Variants in CHN2 observed in about 807,000 individuals in gnomAD.
The protein encoded by CHN2 is beta-chimaerin.
CHN2 carries 35 observed loss-of-function variants against 56.3 expected under a neutral mutation model. That is an observed-to-expected ratio of 0.62 (90% CI 0.47 to 0.82). CHN2 has a LOEUF of 0.82. Among genes scored for constraint, CHN2 ranks in the 40% least tolerant of loss-of-function variants. The pLI is 0.00. For synonymous variants in CHN2, 210 were observed against 212.8 expected (o/e 0.99, Z 0.12); for missense variants, 491 against 580.5 (o/e 0.85, Z 1.58).
At chr7:29,212,754 G>A (rs1310953010) in intron 1 of CHN2, 5 of 1,610,170 alleles carry the variant, frequency 3.1e-6, no homozygotes, top group Admixed American at 3.3e-5. Flanking sequence ...AAATCTAAGA[G>A]GTGGCAGAAA....
intron 6 of CHN2, among the ~76,000 whole-genome samples, chr7:29,417,889 T>C (rs1198768377): frequency 6.6e-6 from 1 of 152,168 alleles, no homozygotes; most frequent in Admixed American, 6.5e-5. Context: ...GAGCATGTGC[T>C]TCAGAGCTTC....
chr7:29,151,065 C>T (rs1246730297), intron 2 of CHN2, among the ~76,000 whole-genome samples: 1 of 152,130 alleles, frequency 6.6e-6, no homozygotes, highest in Non-Finnish European at 1.5e-5. Flanking sequence ...GTGGCGGTAA[C>T]CAAGCTCTAA....
intron 1 of CHN2, among the ~76,000 whole-genome samples, chr7:29,251,215 G>C (rs1269463003): frequency 6.6e-6 from 1 of 152,100 alleles, no homozygotes; most frequent in African/African-American, 2.4e-5. Context: ...CCCTTTGAGG[G>C]GCCAAGGCTG....
At chr7:29,147,754 C>T (rs1053693607) in intron 2 of CHN2, among the ~76,000 whole-genome samples, 3 of 152,002 alleles carry the variant, frequency 2.0e-5, no homozygotes, top group African/African-American at 4.8e-5. Context: ...TATGCAGGAC[C>T]CAGGGCAAAA....
chr7:29,178,617 G>C (rs1400496005), intron 2 of CHN2, among the ~76,000 whole-genome samples: 1 of 152,086 alleles, frequency 6.6e-6, no homozygotes, highest in African/African-American at 2.4e-5. Flanking sequence ...AAAAAAAGCA[G>C]TTCATTGTCT....
Position 29,350,238 on chromosome 7 carries a change from A to G in CHN2, c.50-4387A>G, listed in dbSNP as rs1797779578. ...AAACCACTTAATCATTCTGCATTTCATTTTCCTCATTTGCCAAATGACAAA... is the reference window on the plus strand; with the variant it reads ...AAACCACTTAATCATTCTGCATTTCGTTTTCCTCATTTGCCAAATGACAAA... On this transcript the variant is annotated intron_variant, in intron 1 of 12. Transcript: ENST00000222792. Among the ~76,000 whole-genome samples the G allele has an allele frequency of 2.0e-5, 3 of 152,036 alleles. No individual in the cohort carries two copies. The South Asian group carries it at 6.2e-4, about 32-fold the overall frequency.
chr7:29,421,534 A>C (rs1241998948), intron 6 of CHN2, among the ~76,000 whole-genome samples: 1 of 152,238 alleles, frequency 6.6e-6, no homozygotes, highest in Non-Finnish European at 1.5e-5. Flanking sequence ...GACTATTGGG[A>C]CAACCAAAGC....
intron 3 of CHN2, chr7:29,380,652 A>G (rs1035909883): frequency 6.6e-6 from 1 of 152,210 alleles, no homozygotes; most frequent in Non-Finnish European, 1.5e-5. Context: ...CCCAAATACC[A>G]TTAAGCTTTG....
chr7:29,391,648 A>G (rs1290632658), intron 3 of CHN2, among the ~76,000 whole-genome samples: 1 of 152,124 alleles, frequency 6.6e-6, no homozygotes, highest in South Asian at 2.1e-4. Context: ...GCATCTTTCA[A>G]GGCACCCTAA....
At chr7:29,279,914 G>C (rs1011661101) in intron 1 of CHN2, among the ~76,000 whole-genome samples, 5 of 152,156 alleles carry the variant, frequency 3.3e-5, no homozygotes, top group African/African-American at 4.8e-5. Flanking sequence ...GAATTAGGGT[G>C]GTGGGTAAGA....
rs4719967 is a variant in CHN2 at position 29,176,915 on chromosome 7, A to T, written c.274+29955A>T. Among the ~76,000 whole-genome samples the T allele has an allele frequency of 2.2e-3, 338 of 152,326 alleles. 7 individuals carry two copies. Among genetic ancestry groups the T allele is most frequent in the Admixed American group, 0.02 (312 of 15,300 alleles). ...AGGCTTCGTTAGCTTATATGTTAAA[A>T]TGCCTAGGTTAACTTCTAAATGAAT... On this transcript the variant is annotated intron_variant, in intron 2 of 6. Transcript: ENST00000439384.
intron 2 of CHN2, among the ~76,000 whole-genome samples, chr7:29,355,670 G>A (rs1470729416): frequency 1.3e-5 from 2 of 151,282 alleles, no homozygotes; most frequent in East Asian, 1.9e-4. Flanking sequence ...TCCTAACGAA[G>A]CTGCCAGGGT....
chr7:29,301,352 C>CACACAA, intron 1 of CHN2, among the ~76,000 whole-genome samples: 1 of 128,700 alleles, frequency 7.8e-6, no homozygotes, highest in Non-Finnish European at 1.7e-5. Flanking sequence ...TACACACACA[C>CACACAA]ACACACACAC....
intron 6 of CHN2, among the ~76,000 whole-genome samples, chr7:29,433,276 G>T (rs1782978997): frequency 1.3e-5 from 2 of 152,198 alleles, no homozygotes. Context: ...ACCCAAAAAG[G>T]ACCTTTGGGG....
chr7:29,332,512 G>A (rs574161886), intron 1 of CHN2, among the ~76,000 whole-genome samples: 1 of 152,250 alleles, frequency 6.6e-6, no homozygotes, highest in East Asian at 1.9e-4. Context: ...TGGTGATACG[G>A]CCTAAAATGC....
intron 2 of CHN2, among the ~76,000 whole-genome samples, chr7:29,179,425 G>A (rs909194973): frequency 3.3e-5 from 5 of 152,182 alleles, no homozygotes; most frequent in Non-Finnish European, 5.9e-5. Context: ...CAGAAACTCA[G>A]GCTGAAGTTT....
In CHN2 at chr7:29,293,857, A is replaced by ATTTTTTTTT. The variant is rs70980522; in HGVS notation, c.50-60749_50-60741dup. On this transcript the variant is annotated intron_variant, in intron 1 of 12. Transcript: ENST00000222792. ...GCATATAAGCTCCACGAGGCTGGGAATTTTTTTTTTTTTTTTTTTTTTTTT... is the reference window on the plus strand; with the variant it reads ...GCATATAAGCTCCACGAGGCTGGGAATTTTTTTTTTTTTTTTTTTTTTTTTTTTTTTTTT... Among the ~76,000 whole-genome samples the ATTTTTTTTT allele has an allele frequency of 4.3e-4, 34 of 78,520 alleles. 2 individuals are homozygous for ATTTTTTTTT. Among genetic ancestry groups the ATTTTTTTTT allele is most frequent in the African/African-American group, 1.6e-3 (31 of 19,902 alleles). 51.5% of individuals were successfully genotyped at this position (78,520 alleles called of 152,430 possible).
At chr7:29,366,174 G>A (rs1195269940) in intron 2 of CHN2, among the ~76,000 whole-genome samples, 1 of 152,176 alleles carries the variant, frequency 6.6e-6, no homozygotes, top group East Asian at 1.9e-4. Flanking sequence ...GAATCTGTAG[G>A]AAGTAAGATA....
intron 1 of CHN2, among the ~76,000 whole-genome samples, chr7:29,282,790 T>A (rs1332887963): frequency 2.0e-5 from 3 of 152,048 alleles, no homozygotes; most frequent in Non-Finnish European, 4.4e-5. Flanking sequence ...GCCATGAAGA[T>A]CACGCGACAG....
Sources: allele counts gnomAD v4.1 joint callset (sites outside exome capture counted in the v4.1 genomes callset), GRCh38; gene constraint gnomAD v4.1.1; transcripts MANE v1.5; gene names NCBI Gene and HGNC (gene_info 2026-07-23, HGNC 2026-07-21).